Variants in AGMO observed in about 807,000 individuals in gnomAD.
AGMO encodes the protein glyceryl-ether monooxygenase.
A neutral mutation model predicts 60.2 loss-of-function variants in AGMO; 75 were observed. The ratio of observed to expected loss-of-function variants is 1.25; its 90% CI spans 1.03 to 1.51. The LOEUF (loss-of-function observed/expected upper bound fraction) is 1.51, where lower values mean the gene tolerates loss of function less well. Among genes scored for constraint, AGMO ranks in the 40% most tolerant of loss-of-function variants. AGMO has a pLI of 0.00. For missense variants in AGMO, 763 were observed against 525.5 expected (o/e 1.45, Z -4.42); for synonymous variants, 261 against 177.1 (o/e 1.47, Z -3.76).
At chr7:15,135,941 A>G in the AGMO span, among the ~76,000 whole-genome samples, 4 of 113,300 alleles carry the variant, frequency 3.5e-5, no homozygotes, top group Non-Finnish European at 7.9e-5. Flanking sequence ...TGAAACAACT[A>G]TGTTTTTCTC....
At chr7:15,471,446 A>G (rs1301675916) in intron 3 of AGMO, among the ~76,000 whole-genome samples, 1 of 151,948 alleles carries the variant, frequency 6.6e-6, no homozygotes, top group African/African-American at 2.4e-5. Flanking sequence ...ATCATTACCC[A>G]GGATCTTTCT....
Position 15,289,941 on chromosome 7 carries a change from AT to A in AGMO, c.1263+75572del, listed in dbSNP as rs1336329781. On this transcript the variant is annotated intron_variant, in intron 12 of 12. Coordinates refer to ENST00000342526, the MANE Select transcript of AGMO (RefSeq NM_001004320.2). ...TCCAAGAGTATCATTTATTCCAGAAATCTTTTTTTTTTTTTTTTTTTTTTTT... is the reference window on the plus strand; with the variant it reads ...TCCAAGAGTATCATTTATTCCAGAAACTTTTTTTTTTTTTTTTTTTTTTTT... 1.5e-3 allele frequency among the ~76,000 whole-genome samples: 187 copies of A among 128,244 alleles called. 1 individual carries two copies. The highest frequency in any genetic ancestry group is 2.0e-3 in the Non-Finnish European group (129 of 64,918). The allele number at this position is 128,244 out of a possible 152,430, so 84.1% of individuals were successfully genotyped here.
intron 3 of AGMO, among the ~76,000 whole-genome samples, chr7:15,433,995 T>C (rs2128499259): frequency 6.6e-6 from 1 of 152,200 alleles, no homozygotes; most frequent in South Asian, 2.1e-4. Flanking sequence ...AAATCCATCT[T>C]CTTTTAATGT....
At chr7:15,223,241 G>C (rs1177175738) in intron 12 of AGMO, among the ~76,000 whole-genome samples, 34 of 151,794 alleles carry the variant, frequency 2.2e-4, no homozygotes, top group Admixed American at 2.2e-3. Flanking sequence ...CTTCTGACTT[G>C]ATCATTATTG....
chr7:15,457,192 G>T (rs531287919), intron 3 of AGMO, among the ~76,000 whole-genome samples: 9 of 152,200 alleles, frequency 5.9e-5, no homozygotes, highest in African/African-American at 2.2e-4. Flanking sequence ...AGGAAATACT[G>T]ATTCCTTTTG....
chr7:15,547,900 A>G (rs1784832862), intron 2 of AGMO, among the ~76,000 whole-genome samples: 1 of 152,190 alleles, frequency 6.6e-6, no homozygotes, highest in Admixed American at 6.5e-5. Context: ...TAACCTCTGC[A>G]GACTTAAATG....
chr7:15,529,671 A>ATACAGAATATATATAC lies in AGMO; in HGVS notation c.409+15100_409+15101insGTATATATATTCTGTA, dbSNP rs1784243616. Among the ~76,000 whole-genome samples the ATACAGAATATATATAC allele has an allele frequency of 1.8e-5, 2 of 114,002 alleles. 1 individual carries two copies. The highest frequency in any genetic ancestry group is 5.3e-4 in the South Asian group (2 of 3,782). The allele number at this position is 114,002 out of a possible 152,430, so 74.8% of individuals were successfully genotyped here. A position where few individuals can be genotyped will look rare whatever the true frequency, so the allele number is the denominator to read the frequency against. On this transcript the variant is annotated intron_variant, in intron 3 of 12. Transcript: ENST00000342526. Reference sequence around the variant, plus strand: ...ACTATATATTCTATATATATTCTATATATATTCTATATATAGAATATATAT... The same window carrying ATACAGAATATATATAC: ...ACTATATATTCTATATATATTCTATATACAGAATATATATACTATATTCTATATATAGAATATATAT...
intron 12 of AGMO, among the ~76,000 whole-genome samples, chr7:15,235,207 A>AAT (rs1010319510): frequency 2.6e-4 from 39 of 151,850 alleles, no homozygotes; most frequent in South Asian, 2.1e-3. Context: ...CTTAATCTAT[A>AAT]ATATATATAT....
intron 5 of AGMO, among the ~76,000 whole-genome samples, chr7:15,411,333 T>C (rs1416619761): frequency 6.6e-6 from 1 of 151,914 alleles, no homozygotes; most frequent in Non-Finnish European, 1.5e-5. Flanking sequence ...CTTTGTATTG[T>C]TATAATCCTC....
At chr7:15,346,548 G>C (rs7794090) in intron 12 of AGMO, among the ~76,000 whole-genome samples, 65,926 of 150,434 alleles carry the variant, frequency 0.44, 14,828 homozygotes, top group African/African-American at 0.55. Flanking sequence ...CGATATAAAA[G>C]CAACACTGTA....
intron 12 of AGMO, among the ~76,000 whole-genome samples, chr7:15,283,856 A>C (rs552415624): frequency 1.2e-3 from 189 of 152,200 alleles, no homozygotes; most frequent in African/African-American, 4.4e-3. Context: ...TGAAGTTTAA[A>C]AAAAAATGAA....
chr7:15,424,338 T>A (rs1402546285), intron 4 of AGMO, among the ~76,000 whole-genome samples: 1 of 152,096 alleles, frequency 6.6e-6, no homozygotes, highest in Non-Finnish European at 1.5e-5. Flanking sequence ...AAAAAATGGG[T>A]GATGCACTAT....
intron 3 of AGMO, among the ~76,000 whole-genome samples, chr7:15,503,159 C>G (rs1255391269): frequency 6.6e-6 from 1 of 151,912 alleles, no homozygotes; most frequent in Admixed American, 6.6e-5. Context: ...CTACTCCACA[C>G]AAGACACTTG....
chr7:15,548,056 A>G (rs1397621030), intron 2 of AGMO, among the ~76,000 whole-genome samples: 1 of 151,570 alleles, frequency 6.6e-6, no homozygotes, highest in Non-Finnish European at 1.5e-5. Context: ...GCAGGGGCAC[A>G]CTGACACCTC....
At chr7:15,273,211 G>C (rs1416432314) in intron 12 of AGMO, among the ~76,000 whole-genome samples, 1 of 152,166 alleles carries the variant, frequency 6.6e-6, no homozygotes, top group Non-Finnish European at 1.5e-5. Flanking sequence ...CCATGCCTAT[G>C]TCCTGAATGG....
At chr7:15,404,750 A>G (rs1015927422) in intron 5 of AGMO, among the ~76,000 whole-genome samples, 37 of 151,890 alleles carry the variant, frequency 2.4e-4, no homozygotes, top group African/African-American at 8.9e-4. Context: ...GACTGCCATT[A>G]TGATCATATT....
intron 12 of AGMO, among the ~76,000 whole-genome samples, chr7:15,272,892 A>G (rs1479707699): frequency 6.6e-6 from 1 of 152,068 alleles, no homozygotes; most frequent in Non-Finnish European, 1.5e-5. Context: ...GCCAGTGATG[A>G]TGAGCATTTT....
intron 12 of AGMO, among the ~76,000 whole-genome samples, chr7:15,339,590 G>A (rs1048765351): frequency 6.6e-6 from 1 of 152,112 alleles, no homozygotes; most frequent in Non-Finnish European, 1.5e-5. Context: ...AGGGCTTGCT[G>A]CATTTTATGC....
the AGMO span, among the ~76,000 whole-genome samples, chr7:15,129,226 G>A: frequency 2.8e-5 from 4 of 143,284 alleles, no homozygotes; most frequent in African/African-American, 7.4e-5. Flanking sequence ...GTTGTTGCTC[G>A]GTTTCCAGGG....
Sources: gnomAD v4.1 joint callset for allele counts (sites outside exome capture counted in the v4.1 genomes callset) on GRCh38, gnomAD v4.1.1 for gene constraint, MANE v1.5 for transcripts, NCBI Gene and HGNC (gene_info 2026-07-23, HGNC 2026-07-21) for gene names.